Variants in SLC25A37 observed in about 807,000 individuals in gnomAD.
The protein encoded by SLC25A37 is mitoferrin-1.
A neutral mutation model predicts 31.0 loss-of-function variants in SLC25A37; 17 were observed. The ratio of observed to expected loss-of-function variants is 0.55; its 90% CI spans 0.38 to 0.82. The LOEUF is 0.82. SLC25A37 is among the 40% of genes least tolerant of loss of function. SLC25A37 has a pLI of 0.00. For synonymous variants in SLC25A37, 222 were observed against 193.0 expected, an observed-to-expected ratio of 1.15 and a Z score of -1.24; for missense variants, 404 against 465.8, an observed-to-expected ratio of 0.87 and a Z score of 1.22.
intron 2 of SLC25A37, 23 bp from the exon 3 acceptor site, chr8:23,568,299 A>G (rs1460877710): frequency 1.2e-6 from 2 of 1,613,712 alleles, no homozygotes; most frequent in Admixed American, 3.3e-5. Context: ...GCAGAGGGTA[A>G]TTTTCTGGAG....
intron 1 of SLC25A37, among the ~76,000 whole-genome samples, chr8:23,556,193 T>C: frequency 6.6e-6 from 1 of 152,010 alleles, no homozygotes; most frequent in Admixed American, 6.5e-5. Context: ...AGGGGAATCA[T>C]TTTTCTGTTG....
At chr8:23,551,599 A>T (rs1802227570) in intron 1 of SLC25A37, among the ~76,000 whole-genome samples, 1 of 151,748 alleles carries the variant, frequency 6.6e-6, no homozygotes, top group African/African-American at 2.4e-5. Flanking sequence ...AAAAAAGCAG[A>T]AATAAAAGCA....
intron 1 of SLC25A37, among the ~76,000 whole-genome samples, chr8:23,532,725 C>T (rs1049169584): frequency 6.6e-6 from 1 of 152,196 alleles, no homozygotes; most frequent in Admixed American, 6.5e-5. Context: ...AGCGTTCCCT[C>T]TAGGAGCCTC....
intron 1 of SLC25A37, among the ~76,000 whole-genome samples, chr8:23,532,440 G>C (rs1011190847): frequency 6.6e-6 from 1 of 152,170 alleles, no homozygotes; most frequent in Non-Finnish European, 1.5e-5. Flanking sequence ...CACTTGGGGT[G>C]GATACAAGAA....
Position 23,538,240 on chromosome 8 carries a change from G to A in SLC25A37, c.210+9028G>A, listed in dbSNP as rs755769152. 8.6e-5 allele frequency among the ~76,000 whole-genome samples: 13 copies of A among 151,818 alleles called. No individual in the cohort carries two copies. The South Asian group carries it at 2.5e-3, about 29-fold the overall frequency. The stretch of plus-strand genomic sequence containing the variant: ...TACTAAAAATACAAAAATTAGCTGG[G>A]CGTGGTGGTGGGTGCCTGTAATCCC... On this transcript the variant is annotated intron_variant, in intron 1 of 3. Coordinates refer to ENST00000519973, the MANE Select transcript of SLC25A37 (RefSeq NM_016612.4).
chr8:23,570,192 G>T (rs1320047003), intron 3 of SLC25A37, among the ~76,000 whole-genome samples: 3 of 152,138 alleles, frequency 2.0e-5, no homozygotes, highest in Non-Finnish European at 2.9e-5. Flanking sequence ...GCCGCACGAG[G>T]CATGCTGAAG....
At chr8:23,548,499 A>T (rs982487427) in intron 1 of SLC25A37, among the ~76,000 whole-genome samples, 7 of 92,738 alleles carry the variant, frequency 7.5e-5, no homozygotes, top group Admixed American at 1.2e-4. Context: ...TTTTTTTTAG[A>T]CTTGTTGCCC....
chr8:23,556,564 A>G (rs1204587080), intron 1 of SLC25A37, among the ~76,000 whole-genome samples: 1 of 151,826 alleles, frequency 6.6e-6, no homozygotes, highest in Non-Finnish European at 1.5e-5. Flanking sequence ...ATATATGTAT[A>G]TGTATGTATA....
chr8:23,549,953 G>A lies in SLC25A37; in HGVS notation c.211-16155G>A, dbSNP rs970764405. 2.9e-5 allele frequency among the ~76,000 whole-genome samples: 4 copies of A among 137,820 alleles called. 1 individual carries two copies. The highest frequency in any genetic ancestry group is 4.5e-5 in the Non-Finnish European group (3 of 67,130). 90.4% of individuals were successfully genotyped at this position (137,820 alleles called of 152,430 possible). ...AATACCTGCTTTGGGAGGCCAAGGC[G>A]GGCAGATCCCCTGAGGTCGGGAGTT... On this transcript the variant is annotated intron_variant, in intron 1 of 3. Transcript: ENST00000519973.
At chr8:23,535,670 G>A (rs543265038) in intron 1 of SLC25A37, among the ~76,000 whole-genome samples, 8 of 152,282 alleles carry the variant, frequency 5.3e-5, no homozygotes, top group South Asian at 4.1e-4. Flanking sequence ...CTGAGACTGC[G>A]TAATTTATAC....
chr8:23,554,815 G>T (rs1802320061), intron 1 of SLC25A37, among the ~76,000 whole-genome samples: 2 of 152,186 alleles, frequency 1.3e-5, no homozygotes, highest in South Asian at 4.2e-4. Context: ...CCTGTCCAGG[G>T]GCCTGGTAGG....
At chr8:23,567,917 T>C (rs1187910744) in intron 2 of SLC25A37, 1 of 225,636 alleles carries the variant, frequency 4.4e-6, no homozygotes, top group East Asian at 1.0e-4. Context: ...ATATGATATC[T>C]CCTTTCAGGG....
intron 1 of SLC25A37, among the ~76,000 whole-genome samples, chr8:23,559,683 C>T (rs1387373173): frequency 1.3e-5 from 2 of 152,132 alleles, no homozygotes; most frequent in Non-Finnish European, 2.9e-5. Flanking sequence ...CCCTGGCTAC[C>T]CCCATTCCAC....
At chr8:23,560,666 T>C (rs974648992) in intron 1 of SLC25A37, among the ~76,000 whole-genome samples, 6 of 152,224 alleles carry the variant, frequency 3.9e-5, no homozygotes, top group African/African-American at 1.4e-4. Context: ...CTGGGCCACT[T>C]GCCTCTGTCT....
chr8:23,534,393 A>G (rs781768453), intron 1 of SLC25A37, among the ~76,000 whole-genome samples: 1 of 152,184 alleles, frequency 6.6e-6, no homozygotes, highest in Non-Finnish European at 1.5e-5. Flanking sequence ...TGGGCAGGAC[A>G]CTTAGCTTCT....
At chr8:23,531,288 C>G (rs1018153725) in intron 1 of SLC25A37, among the ~76,000 whole-genome samples, 1 of 152,218 alleles carries the variant, frequency 6.6e-6, no homozygotes, top group African/African-American at 2.4e-5. Flanking sequence ...GGGGAGACCA[C>G]ACCTGTGTTC....
At chr8:23,554,363 G>GGC (rs1181853495) in intron 1 of SLC25A37, among the ~76,000 whole-genome samples, 13 of 152,318 alleles carry the variant, frequency 8.5e-5, no homozygotes, top group East Asian at 1.9e-4. Context: ...GGCAGGGCAG[G>GGC]ACAGGGAAGC....
At chr8:23,556,851 T>G (rs1371151910) in intron 1 of SLC25A37, among the ~76,000 whole-genome samples, 1 of 151,994 alleles carries the variant, frequency 6.6e-6, no homozygotes, top group Non-Finnish European at 1.5e-5. Flanking sequence ...TCCTGCTTAT[T>G]TTGCGTGATT....
At chr8:23,567,465 A>T (rs183273257) in intron 2 of SLC25A37, 1 of 152,474 alleles carries the variant, frequency 6.6e-6, no homozygotes, top group African/African-American at 2.4e-5. Context: ...TTTTATGCCA[A>T]GTGCTGCCCT....
Sources: gnomAD v4.1 joint callset for allele counts (sites outside exome capture counted in the v4.1 genomes callset) on GRCh38, gnomAD v4.1.1 for gene constraint, MANE v1.5 for transcripts, NCBI Gene and HGNC (gene_info 2026-07-23, HGNC 2026-07-21) for gene names.